MAST4: variants seen among roughly 807,000 people sequenced by gnomAD.
The protein encoded by MAST4 is microtubule associated serine/threonine kinase family member 4.
In MAST4, 89 loss-of-function variants were observed where a neutral mutation model predicts 162.7. The observed-to-expected ratio is 0.55, with a 90% CI of 0.46 to 0.65. The LOEUF is 0.65. Ranked by LOEUF, MAST4 falls within the 30% of genes least tolerant of loss-of-function variation. The pLI is 0.00. For missense variants in MAST4, 3,153 were observed against 3,374.0 expected (o/e 0.93, Z 1.62); for synonymous variants, 1,479 against 1,361.1 (o/e 1.09, Z -1.91).
At chr5:66,787,568 C>A (rs970664329) in intron 2 of MAST4, among the ~76,000 whole-genome samples, 6 of 152,162 alleles carry the variant, frequency 3.9e-5, no homozygotes, top group Admixed American at 6.5e-5. Context: ...TCGTTATTAA[C>A]CAGTACAATG....
rs1774347194 is a variant in MAST4 at position 67,169,080 on chromosome 5, T to C, written c.*2029T>C. 6.6e-6 allele frequency: 1 copy of C among 152,218 alleles called. No individual in the cohort carries two copies. The highest frequency in any genetic ancestry group is 1.5e-5 in the Non-Finnish European group (1 of 68,038). 9.4% of individuals were successfully genotyped at this position (152,218 alleles called of 1,614,324 possible). On this transcript the variant is annotated 3_prime_UTR_variant, in exon 29 of 29. Transcript: ENST00000403625. ...AACGTTTATAATACATATCTGTGTTTGGCAGTTGTCATAACCCAATCCTAC... is the reference window on the plus strand; with the variant it reads ...AACGTTTATAATACATATCTGTGTTCGGCAGTTGTCATAACCCAATCCTAC...
intron 10 of MAST4, among the ~76,000 whole-genome samples, chr5:67,109,578 G>GA (rs1158791682): frequency 3.9e-5 from 6 of 152,098 alleles, no homozygotes; most frequent in Non-Finnish European, 7.4e-5. Flanking sequence ...GCTAACACTT[G>GA]AAAAAAGCAT....
At chr5:66,817,909 T>C (rs1473032151) in intron 3 of MAST4, among the ~76,000 whole-genome samples, 1 of 152,196 alleles carries the variant, frequency 6.6e-6, no homozygotes, top group Non-Finnish European at 1.5e-5. Context: ...ATTAAATTCT[T>C]ATATAAGCTA....
At chr5:67,142,795 G>A (rs1056445287) in intron 21 of MAST4, 4 of 333,596 alleles carry the variant, frequency 1.2e-5, no homozygotes, top group Admixed American at 9.0e-5. Context: ...GCTTACCTGA[G>A]CTCTGATCCC....
chr5:67,130,511 G>A (rs993109758), intron 15 of MAST4, 93 bp downstream of exon 15: 20 of 1,264,974 alleles, frequency 1.6e-5, no homozygotes, highest in Non-Finnish European at 2.2e-5. Context: ...CATAATGGCT[G>A]TATCCACCTA....
chr5:66,616,265 G>T (rs536773222), intron 1 of MAST4, among the ~76,000 whole-genome samples: 1 of 152,178 alleles, frequency 6.6e-6, no homozygotes, highest in African/African-American at 2.4e-5. Context: ...CATTCAGTCC[G>T]TGTGACCACC....
intron 4 of MAST4, among the ~76,000 whole-genome samples, chr5:66,922,254 T>C (rs1277929188): frequency 6.6e-6 from 1 of 152,240 alleles, no homozygotes; most frequent in Non-Finnish European, 1.5e-5. Flanking sequence ...TGCTATCATG[T>C]CTTCTTCCTA....
intron 24 of MAST4, among the ~76,000 whole-genome samples, chr5:67,151,317 C>A (rs117355628): frequency 6.8e-6 from 1 of 147,176 alleles, no homozygotes; most frequent in Admixed American, 6.6e-5. Flanking sequence ...AGGGCTTGTT[C>A]CTCATGGACA....
chr5:67,134,696 T>C lies in MAST4; in HGVS notation c.2392+8T>C. Reference sequence around the variant, plus strand: ...TTGGACAAGTCATCAGTGGTAAATATCATCAGGAGTTATCTTTAGGTCACT... The same window carrying C: ...TTGGACAAGTCATCAGTGGTAAATACCATCAGGAGTTATCTTTAGGTCACT... On this transcript the variant is annotated splice_region_variant and intron_variant, in intron 18 of 28. Coordinates refer to ENST00000403625, the MANE Select transcript of MAST4 (RefSeq NM_001164664.2). 1 of 1,606,114 alleles carries C rather than the reference T, an allele frequency of 6.2e-7. No homozygotes were observed. The highest frequency in any genetic ancestry group is 1.1e-5 in the South Asian group (1 of 90,154).
intron 3 of MAST4, 94 bp from the exon 4 acceptor site, chr5:66,899,857 T>C (rs1428494488): frequency 3.0e-6 from 3 of 989,696 alleles, no homozygotes; most frequent in South Asian, 2.0e-5. Context: ...TCAAGCGTAA[T>C]GAAGGATGAT....
chr5:67,097,583 C>G (rs1033983942), intron 7 of MAST4, among the ~76,000 whole-genome samples: 1 of 152,104 alleles, frequency 6.6e-6, no homozygotes, highest in Non-Finnish European at 1.5e-5. Context: ...TCGTTGCTGT[C>G]TCTAAATTCT....
chr5:67,044,826 TACTTG>T (rs1175379243), intron 4 of MAST4, among the ~76,000 whole-genome samples: 5 of 152,234 alleles, frequency 3.3e-5, no homozygotes, highest in Non-Finnish European at 7.3e-5. Flanking sequence ...ATCCAGCTTC[TACTTG>T]ACTTCGATCA....
At chr5:66,931,017 C>T (rs950086208) in intron 4 of MAST4, 1 of 186,042 alleles carries the variant, frequency 5.4e-6, no homozygotes, top group Non-Finnish European at 1.1e-5. Context: ...ACAGCCCACC[C>T]TCAGAGATGA....
Position 67,145,464 on chromosome 5 carries a change from G to A in MAST4, c.3094+85G>A, listed in dbSNP as rs1770968922. 4.4e-6 allele frequency: 5 copies of A among 1,147,112 alleles called. No homozygotes were observed. In the East Asian group the frequency reaches 1.3e-4, roughly 29 times the overall value. The allele number at this position is 1,147,112 out of a possible 1,614,324, so 71.1% of individuals were successfully genotyped here. A position where few individuals can be genotyped will look rare whatever the true frequency, so the allele number is the denominator to read the frequency against. On this transcript the variant is annotated intron_variant, in intron 23 of 28. Transcript: ENST00000403625. ...TCAGTCCCAGGGCGGGCCTCGCCAG[G>A]CAGTAAAGATGGGTGTTTTATGCTG...
chr5:66,851,611 TTC>T (rs990584118), intron 3 of MAST4, among the ~76,000 whole-genome samples: 65 of 152,348 alleles, frequency 4.3e-4, no homozygotes, highest in African/African-American at 1.5e-3. Context: ...AGTCACCGTT[TTC>T]TTAATGTTTT....
At chr5:67,001,360 T>A (rs1211066685) in intron 4 of MAST4, 2 of 152,220 alleles carry the variant, frequency 1.3e-5, no homozygotes, top group Non-Finnish European at 2.9e-5. Context: ...TCGCTCACTA[T>A]ATTAATTCAT....
chr5:66,877,748 A>G (rs1038078975), intron 3 of MAST4, among the ~76,000 whole-genome samples: 4 of 152,224 alleles, frequency 2.6e-5, no homozygotes, highest in Non-Finnish European at 4.4e-5. Context: ...CACAAACCGA[A>G]CAAGATCAAG....
chr5:66,696,792 A>T (rs1023451622), intron 1 of MAST4, among the ~76,000 whole-genome samples: 1 of 152,122 alleles, frequency 6.6e-6, no homozygotes, highest in African/African-American at 2.4e-5. Flanking sequence ...TGGCAAAAGC[A>T]ATGGTGAGTA....
intron 3 of MAST4, among the ~76,000 whole-genome samples, chr5:66,883,208 C>A (rs1468814656): frequency 1.3e-5 from 2 of 152,112 alleles, no homozygotes; most frequent in East Asian, 3.9e-4. Flanking sequence ...AAGGAATCAG[C>A]CAAACTGAAA....
Sources: allele counts gnomAD v4.1 joint callset (sites outside exome capture counted in the v4.1 genomes callset), GRCh38; gene constraint gnomAD v4.1.1; transcripts MANE v1.5; gene names NCBI Gene and HGNC (gene_info 2026-07-23, HGNC 2026-07-21).